RBKS: variants seen among roughly 807,000 people sequenced by gnomAD.
The protein encoded by RBKS is ribokinase.
In RBKS, 33 loss-of-function variants were observed where a neutral mutation model predicts 33.9. The ratio of observed to expected loss-of-function variants is 0.97; its 90% CI spans 0.74 to 1.30. RBKS has a LOEUF of 1.30. RBKS is among the 50% of genes most tolerant of loss of function. The pLI, the probability that RBKS is intolerant of heterozygous loss-of-function variation, is 0.00. For synonymous variants in RBKS, 125 were observed against 143.0 expected (o/e 0.87, Z 0.90); for missense variants, 361 against 392.6 (o/e 0.92, Z 0.68).
intron 7 of RBKS, among the ~76,000 whole-genome samples, chr2:27,783,011 T>C (rs1472451195): frequency 6.6e-6 from 1 of 152,226 alleles, no homozygotes; most frequent in Non-Finnish European, 1.5e-5. Flanking sequence ...TTTTATTCTT[T>C]GGGCTATAAT....
At chr2:27,863,524 G>T (rs942791079) in intron 1 of RBKS, among the ~76,000 whole-genome samples, 1 of 152,224 alleles carries the variant, frequency 6.6e-6, no homozygotes, top group Admixed American at 6.5e-5. Flanking sequence ...CAATGATGTG[G>T]TTTTTACAGA....
At chr2:27,787,250 C>T (rs1241947546) in intron 7 of RBKS, among the ~76,000 whole-genome samples, 3 of 152,050 alleles carry the variant, frequency 2.0e-5, no homozygotes, top group African/African-American at 7.2e-5. Flanking sequence ...TGGGCAACGT[C>T]GTGAAGCCCT....
chr2:27,890,242 T>C lies in RBKS; in HGVS notation c.89+15A>G, dbSNP rs780706666. On this transcript the variant is annotated intron_variant, in intron 1 of 7. Coordinates refer to ENST00000302188, the MANE Select transcript of RBKS (RefSeq NM_022128.3). This position sits in a 1 kb window ranked among gnomAD's most constrained non-coding sequence, Gnocchi z 4.8. ...TCCCCCGAGCCGCAGACTGAGTAAC[T>C]GGCCCCGGACTAACCTGACCAGGTC... 9 of 1,612,156 alleles carry C rather than the reference T, an allele frequency of 5.6e-6. No homozygotes were observed. In the Admixed American group the frequency reaches 1.2e-4, roughly 21 times the overall value.
At chr2:27,816,382 ACAGT>A (rs1678093001) in intron 7 of RBKS, among the ~76,000 whole-genome samples, 1 of 152,058 alleles carries the variant, frequency 6.6e-6, no homozygotes. Context: ...TCCTTTCCTT[ACAGT>A]CAGTGAACAA....
rs763090773 is a variant in RBKS, at chr2:27,861,947, A to ATT, written c.90-3378_90-3377dup. Among the ~76,000 whole-genome samples, 777 of 113,690 alleles carry ATT rather than the reference A, an allele frequency of 6.8e-3. 20 individuals carry two copies. The highest frequency in any genetic ancestry group is 0.012 in the African/African-American group (347 of 28,764). The allele number at this position is 113,690 out of a possible 152,430, so 74.6% of individuals were successfully genotyped here. On this transcript the variant is annotated intron_variant, in intron 1 of 7. Transcript: ENST00000302188. The stretch of plus-strand genomic sequence containing the variant: ...GGTGTGATCCATGGCGCCTGGCCTG[A>ATT]TTTTTTTTTTTTTTTTTTTTTTGAG...
intron 7 of RBKS, among the ~76,000 whole-genome samples, chr2:27,798,224 T>A (rs1363968055): frequency 6.6e-6 from 1 of 152,150 alleles, no homozygotes; most frequent in Non-Finnish European, 1.5e-5. Context: ...TCAGCTGCTA[T>A]GAATATAATG....
chr2:27,784,058 A>T (rs1161030521), intron 7 of RBKS, among the ~76,000 whole-genome samples: 1 of 95,636 alleles, frequency 1.0e-5, no homozygotes, highest in Non-Finnish European at 1.9e-5. Context: ...ATCTCGGCTC[A>T]CTGCAAGCTC....
At position 27,791,613 on chromosome 2, in the gene RBKS, T is replaced by TACACACACAC. The variant is rs59707075; in HGVS notation, c.796-9835_796-9826dup. 4.6e-3 allele frequency among the ~76,000 whole-genome samples: 648 copies of TACACACACAC among 140,952 alleles called. 6 individuals are homozygous for TACACACACAC. The highest frequency in any genetic ancestry group is 0.017 in the African/African-American group (614 of 35,698). 92.5% of individuals were successfully genotyped at this position (140,952 alleles called of 152,430 possible). A position where few individuals can be genotyped will look rare whatever the true frequency, so the allele number is the denominator to read the frequency against. ...CATGTGTCAATTCCCATAATAAATC[T>TACACACACAC]ACACACACACACACACACACACACA... On this transcript the variant is annotated intron_variant, in intron 7 of 7. Coordinates refer to ENST00000302188, the MANE Select transcript of RBKS (RefSeq NM_022128.3).
At position 27,847,098 on chromosome 2, in the gene RBKS, G is replaced by A; in HGVS notation, c.293C>T (p.Thr98Ile). 1 of 1,593,272 alleles carries A rather than the reference G, an allele frequency of 6.3e-7. No individual in the cohort carries two copies. Among genetic ancestry groups the A allele is most frequent in the South Asian group, 1.1e-5 (1 of 90,494 alleles). The change falls in exon 4 of 8, where the codon ACA becomes ATA. Residue 98 changes from threonine to isoleucine, a missense_variant. By Grantham distance (89) the Thr-to-Ile change is moderately conservative. Coordinates refer to ENST00000302188, the MANE Select transcript of RBKS (RefSeq NM_022128.3). Reference protein sequence around the residue: ...LKQNDISTEFTYQTKDAATGT... With the variant: ...LKQNDISTEFIYQTKDAATGT... ...TGTAGCAGCATCTTTAGTCTGATAT[G>A]TAAATTCTGAAAGAAAAAAGAAAAT...
chr2:27,858,763 G>T (rs4578808), intron 1 of RBKS, among the ~76,000 whole-genome samples, 192 bp from the exon 2 acceptor site: 39,365 of 151,996 alleles, frequency 0.26, 6,113 homozygotes, highest in East Asian at 0.63. Context: ...TCAAGAATGA[G>T]TCTCCTTGAC....
intron 1 of RBKS, among the ~76,000 whole-genome samples, chr2:27,885,521 G>A (rs1268062337): frequency 6.6e-6 from 1 of 151,972 alleles, no homozygotes; most frequent in Non-Finnish European, 1.5e-5. Flanking sequence ...GTTCTTCACT[G>A]AATACGGCCT....
At chr2:27,872,471 A>C (rs1573076174) in intron 1 of RBKS, among the ~76,000 whole-genome samples, 1 of 152,220 alleles carries the variant, frequency 6.6e-6, no homozygotes, top group African/African-American at 2.4e-5. Context: ...GCAAATAGCA[A>C]CTAAAACAAA....
chr2:27,833,564 G>A (rs1678464807), intron 5 of RBKS, among the ~76,000 whole-genome samples: 1 of 152,110 alleles, frequency 6.6e-6, no homozygotes, highest in African/African-American at 2.4e-5. Flanking sequence ...GAGGTCCTAT[G>A]TCTCAGTTCA....
In RBKS at chr2:27,826,413, CT is replaced by C. The variant is rs1269916189; in HGVS notation, c.795+1153del. On this transcript the variant is annotated intron_variant, in intron 7 of 7. Coordinates refer to ENST00000302188, the MANE Select transcript of RBKS (RefSeq NM_022128.3). ...GCTCTCCTGAATCTGTTTTTCTTTTCTTTTTTTTTTTTTTGAGACGGACTCT... is the reference window on the plus strand; with the variant it reads ...GCTCTCCTGAATCTGTTTTTCTTTTCTTTTTTTTTTTTTGAGACGGACTCT... Among the ~76,000 whole-genome samples, 439 of 142,694 alleles carry C rather than the reference CT, an allele frequency of 3.1e-3. 1 individual carries two copies. Among genetic ancestry groups the C allele is most frequent in the Middle Eastern group, 7.5e-3 (2 of 268 alleles). The allele number at this position is 142,694 out of a possible 152,430, so 93.6% of individuals were successfully genotyped here. A position where few individuals can be genotyped will look rare whatever the true frequency, so the allele number is the denominator to read the frequency against.
chr2:27,850,232 ACTCT>A (rs1663711544), intron 2 of RBKS, among the ~76,000 whole-genome samples: 1 of 151,958 alleles, frequency 6.6e-6, no homozygotes, highest in South Asian at 2.1e-4. Context: ...GTTCCCATAT[ACTCT>A]CTGTCTCCTC....
At chr2:27,801,894 G>A (rs1677792947) in intron 7 of RBKS, among the ~76,000 whole-genome samples, 1 of 128,906 alleles carries the variant, frequency 7.8e-6, no homozygotes, top group Non-Finnish European at 1.6e-5. Flanking sequence ...GCTTACTGCA[G>A]CCCCAACCTC....
Position 27,801,992 on chromosome 2 carries a change from A to AT in RBKS, c.796-20205dup, listed in dbSNP as rs1179237576. ...TATATATATATATATATATATATAT[A>AT]TTTTTTTTTTTTTTTTTTTTTTTTT... is the stretch of plus-strand genomic sequence containing the variant. On this transcript the variant is annotated intron_variant, in intron 7 of 7. Transcript: ENST00000302188. 3.6e-3 allele frequency among the ~76,000 whole-genome samples: 154 copies of AT among 42,696 alleles called. 4 individuals are homozygous for AT. The highest frequency in any genetic ancestry group is 0.014 in the East Asian group (15 of 1,090). The allele number at this position is 42,696 out of a possible 152,430, so 28.0% of individuals were successfully genotyped here.
At position 27,795,589 on chromosome 2, in the gene RBKS, TC is replaced by T. The variant is rs1241065906; in HGVS notation, c.796-13802del. Among the ~76,000 whole-genome samples, 1 of 151,556 alleles carries T rather than the reference TC, an allele frequency of 6.6e-6. No individual in the cohort carries two copies. Among genetic ancestry groups the T allele is most frequent in the Admixed American group, 6.6e-5 (1 of 15,212 alleles). On this transcript the variant is annotated intron_variant, in intron 7 of 7. Coordinates refer to ENST00000302188, the MANE Select transcript of RBKS (RefSeq NM_022128.3). The surrounding 1 kb of genome is among the most constrained non-coding windows in gnomAD (Gnocchi z 4.1). ...TTTCATCTTCACACTGACCCTGCAC[TC>T]CCCCGCCACTGAAACTTGAGGGAAT...
chr2:27,859,644 C>T (rs956875797), intron 1 of RBKS, among the ~76,000 whole-genome samples: 7 of 151,970 alleles, frequency 4.6e-5, no homozygotes, highest in Admixed American at 3.9e-4. Context: ...GGCTAGCTGG[C>T]CACAGAGAAG....
Sources: allele counts gnomAD v4.1 joint callset (sites outside exome capture counted in the v4.1 genomes callset), GRCh38; gene constraint gnomAD v4.1.1; non-coding constraint Gnocchi (gnomAD v3.1); transcripts MANE v1.5; gene names NCBI Gene and HGNC (gene_info 2026-07-23, HGNC 2026-07-21).